Variants in USP10 observed in about 807,000 individuals in gnomAD.
USP10 encodes the protein ubiquitin carboxyl-terminal hydrolase 10.
USP10 carries 22 observed loss-of-function variants against 84.5 expected under a neutral mutation model. The ratio of observed to expected loss-of-function variants is 0.26; its 90% CI spans 0.19 to 0.37. The LOEUF (loss-of-function observed/expected upper bound fraction) is 0.37. Among genes scored for constraint, USP10 ranks in the 10% least tolerant of loss-of-function variants. USP10 has a pLI of 1.00. For synonymous variants in USP10, 454 were observed against 387.6 expected (o/e 1.17, Z -2.01); for missense variants, 1,019 against 998.9 (o/e 1.02, Z -0.27).
At chr16:84,701,037 C>T (rs906560721) in intron 1 of USP10, among the ~76,000 whole-genome samples, 2 of 152,158 alleles carry the variant, frequency 1.3e-5, no homozygotes, top group Admixed American at 1.3e-4. Context: ...CACTTTTAAA[C>T]CATCTCATTG....
chr16:84,713,630 A>G (rs1226136444), intron 1 of USP10, among the ~76,000 whole-genome samples: 2 of 152,182 alleles, frequency 1.3e-5, no homozygotes, highest in African/African-American at 4.8e-5. Flanking sequence ...ATTTATTAAC[A>G]AACACCTTCA....
At chr16:84,725,165 C>T (rs1188469594) in intron 1 of USP10, among the ~76,000 whole-genome samples, 1 of 152,196 alleles carries the variant, frequency 6.6e-6, no homozygotes, top group Non-Finnish European at 1.5e-5. Flanking sequence ...CAAAAGAAAG[C>T]TCATGTTCAT....
At chr16:84,735,332 G>T (rs1909794989) in intron 2 of USP10, among the ~76,000 whole-genome samples, 1 of 152,060 alleles carries the variant, frequency 6.6e-6, no homozygotes, top group African/African-American at 2.4e-5. Context: ...TCTCAAGTGT[G>T]TACACATGTG....
At chr16:84,757,050 G>A (rs918204415) in intron 4 of USP10, among the ~76,000 whole-genome samples, 2 of 152,162 alleles carry the variant, frequency 1.3e-5, no homozygotes, top group Non-Finnish European at 2.9e-5. Context: ...GTAAAATGGG[G>A]TTGGTAACTA....
intron 1 of USP10, among the ~76,000 whole-genome samples, chr16:84,731,089 C>T (rs58284103): frequency 0.027 from 4,122 of 150,346 alleles, 166 homozygotes; most frequent in African/African-American, 0.095. Flanking sequence ...AAGCGATTCT[C>T]CTGCATCAGC....
At chr16:84,719,113 GTTGTTT>G (rs1011812863) in intron 1 of USP10, among the ~76,000 whole-genome samples, 128 of 152,216 alleles carry the variant, frequency 8.4e-4, no homozygotes, top group African/African-American at 2.9e-3. Context: ...TGTTGTTGTT[GTTGTTT>G]TTGCCTTTAT....
chr16:84,736,005 T>G (rs974405215), intron 2 of USP10, among the ~76,000 whole-genome samples: 1 of 151,192 alleles, frequency 6.6e-6, no homozygotes, highest in Non-Finnish European at 1.5e-5. Flanking sequence ...CACTTGGACC[T>G]GTGGGTGTGT....
intron 1 of USP10, among the ~76,000 whole-genome samples, chr16:84,728,642 T>G (rs1034387435): frequency 6.6e-6 from 1 of 152,112 alleles, no homozygotes; most frequent in Admixed American, 6.5e-5. Flanking sequence ...TTTTGTAGTT[T>G]TATCAAAATT....
In USP10 at chr16:84,711,525, C is replaced by T. The variant is rs141178939; in HGVS notation, c.21+11414C>T. The stretch of plus-strand genomic sequence containing the variant: ...CCTGCTCTCTTTTGCTGTTGTTGCT[C>T]ATGGATTCGTCAGGTGAGGAAATTC... On this transcript the variant is annotated intron_variant, in intron 1 of 13. Coordinates refer to ENST00000219473, the MANE Select transcript of USP10 (RefSeq NM_005153.3). 1.4e-4 allele frequency among the ~76,000 whole-genome samples: 22 copies of T among 152,266 alleles called. No homozygotes were observed. The East Asian group carries it at 4.1e-3, about 28-fold the overall frequency.
At chr16:84,723,151 T>C (rs1908029393) in intron 1 of USP10, among the ~76,000 whole-genome samples, 1 of 152,050 alleles carries the variant, frequency 6.6e-6, no homozygotes, top group African/African-American at 2.4e-5. Context: ...CCAGGGTTTT[T>C]TTTTTTTTGG....
chr16:84,712,085 G>A (rs1456222501), intron 1 of USP10, among the ~76,000 whole-genome samples: 1 of 152,056 alleles, frequency 6.6e-6, no homozygotes, highest in Non-Finnish European at 1.5e-5. Context: ...GCTGCTTTTG[G>A]GTGGAAACAT....
intron 4 of USP10, among the ~76,000 whole-genome samples, chr16:84,752,161 T>C (rs1025070979): frequency 6.6e-6 from 1 of 152,230 alleles, no homozygotes; most frequent in Non-Finnish European, 1.5e-5. Context: ...TTGTGTCTTT[T>C]ATGAGTCATT....
chr16:84,718,674 T>C (rs1907377701), intron 1 of USP10, among the ~76,000 whole-genome samples: 1 of 151,784 alleles, frequency 6.6e-6, no homozygotes, highest in African/African-American at 2.4e-5. Flanking sequence ...GAGAATTGCT[T>C]GAACCCAGGA....
At chr16:84,702,993 C>CAAAAAAAAAAAAAAAAAAAAAAAA (rs1157728872) in intron 1 of USP10, among the ~76,000 whole-genome samples, 6 of 52,164 alleles carry the variant, frequency 1.2e-4, no homozygotes, top group African/African-American at 2.6e-4. Context: ...ACTCCCGTCT[C>CAAAAAAAAAAAAAAAAAAAAAAAA]AAAAAAAAAA....
intron 13 of USP10, among the ~76,000 whole-genome samples, chr16:84,777,024 G>C (rs143024724): frequency 6.6e-6 from 1 of 152,346 alleles, no homozygotes; most frequent in African/African-American, 2.4e-5. Flanking sequence ...TTTTGGCCAG[G>C]CTGGAAGCCT....
At chr16:84,745,928 A>G (rs1911176660) in intron 4 of USP10, among the ~76,000 whole-genome samples, 1 of 152,228 alleles carries the variant, frequency 6.6e-6, no homozygotes, top group Admixed American at 6.5e-5. Flanking sequence ...GACAAGTTAC[A>G]TTTCCATTTC....
At chr16:84,714,360 G>T (rs55973229) in intron 1 of USP10, among the ~76,000 whole-genome samples, 45,019 of 152,106 alleles carry the variant, frequency 0.3, 8,118 homozygotes, top group Non-Finnish European at 0.42. Flanking sequence ...CTGGCATCCA[G>T]GCTGGAGTGA....
intron 9 of USP10, 88 bp from the exon 10 acceptor site, chr16:84,763,998 T>C: frequency 6.9e-7 from 1 of 1,454,302 alleles, no homozygotes; most frequent in South Asian, 1.5e-5. Context: ...GATTTCATTT[T>C]TAAAACTGCA....
chr16:84,754,201 G>A (rs994036315), intron 4 of USP10, among the ~76,000 whole-genome samples: 3 of 151,984 alleles, frequency 2.0e-5, no homozygotes, highest in Non-Finnish European at 4.4e-5. Flanking sequence ...GCCTTCTGTC[G>A]GTCTTACTCT....
Sources: allele counts gnomAD v4.1 joint callset (sites outside exome capture counted in the v4.1 genomes callset), GRCh38; gene constraint gnomAD v4.1.1; transcripts MANE v1.5; gene names NCBI Gene and HGNC (gene_info 2026-07-23, HGNC 2026-07-21).